The following ITGA2 variants were observed in gnomAD, a reference collection of about 807,000 sequenced individuals.
The protein encoded by ITGA2 is integrin subunit alpha 2.
Under a neutral mutation model 146.3 loss-of-function variants are expected in ITGA2, and 101 were observed. That is an observed-to-expected ratio of 0.69 (90% confidence interval 0.59 to 0.81). The LOEUF is 0.81. Ranked by LOEUF, ITGA2 falls within the 40% of genes least tolerant of loss-of-function variation. The pLI is 0.00. For synonymous variants in ITGA2, 477 were observed against 487.1 expected (o/e 0.98, Z 0.27); for missense variants, 1,281 against 1,402.7 (o/e 0.91, Z 1.39).
At chr5:53,062,542 AG>A (rs1744946782) in intron 12 of ITGA2, among the ~76,000 whole-genome samples, 1 of 151,862 alleles carries the variant, frequency 6.6e-6, no homozygotes, top group Non-Finnish European at 1.5e-5. Context: ...AATGGGTCTC[AG>A]GGATCTGTAT....
chr5:53,063,272 C>T (rs956380668), intron 13 of ITGA2, among the ~76,000 whole-genome samples: 1 of 151,746 alleles, frequency 6.6e-6, no homozygotes, highest in Non-Finnish European at 1.5e-5. Flanking sequence ...TAATTTTTTG[C>T]GATAAAGACA....
intron 24 of ITGA2, among the ~76,000 whole-genome samples, chr5:53,079,766 T>C (rs1214096596): frequency 5.9e-5 from 9 of 152,162 alleles, no homozygotes; most frequent in Non-Finnish European, 1.2e-4. Context: ...GGTAATAACA[T>C]TCATAGAGTG....
intron 12 of ITGA2, among the ~76,000 whole-genome samples, chr5:53,062,081 A>G (rs1454187678): frequency 2.0e-5 from 3 of 151,792 alleles, no homozygotes; most frequent in Non-Finnish European, 4.4e-5. Flanking sequence ...TGAAGGTTCA[A>G]AGTCTCAGCT....
chr5:53,078,603 A>G (rs1467728992), intron 23 of ITGA2, among the ~76,000 whole-genome samples, 169 bp from the exon 24 acceptor site: 1 of 152,190 alleles, frequency 6.6e-6, no homozygotes, highest in Non-Finnish European at 1.5e-5. Flanking sequence ...TTAGAAACAT[A>G]CATTGGACGA....
intron 1 of ITGA2, 119 bp downstream of exon 1, chr5:52,989,651 G>A: frequency 5.4e-6 from 6 of 1,105,994 alleles, no homozygotes; most frequent in Non-Finnish European, 8.2e-6. Flanking sequence ...CGGATTCCAC[G>A]TGGACTCGGG....
intron 7 of ITGA2, among the ~76,000 whole-genome samples, chr5:53,054,785 G>A (rs994549310): frequency 2.0e-5 from 3 of 152,008 alleles, no homozygotes; most frequent in Non-Finnish European, 4.4e-5. Flanking sequence ...ACTCAGGGGG[G>A]AAATGGTGGG....
chr5:53,027,051 T>A lies in ITGA2; in HGVS notation c.185+183T>A, dbSNP rs184184459. ...CAGACTGATCATTAATGGGATGGTA[T>A]AATGGTTCATTTTTAAAAACCTGGA... On this transcript the variant is annotated intron_variant, in intron 2 of 29. Transcript: ENST00000296585. 5.3e-5 allele frequency among the ~76,000 whole-genome samples: 8 copies of A among 152,348 alleles called. No homozygotes were observed. In the East Asian group the frequency reaches 1.2e-3, roughly 22 times the overall value.
chr5:53,007,480 T>C (rs1561085606), intron 1 of ITGA2, among the ~76,000 whole-genome samples: 1 of 151,328 alleles, frequency 6.6e-6, no homozygotes, highest in African/African-American at 2.4e-5. Context: ...ACACAAAATA[T>C]GCTATTTTGA....
In ITGA2 at chr5:53,039,739, CAA is replaced by C. The variant is rs1175067104; in HGVS notation, c.186-2349_186-2348del. ...TAGGCAACAGAGTGAGACTCCATCT[CAA>C]AAAAAAAAAAAAAAAAAAAAAAAGT... On this transcript the variant is annotated intron_variant, in intron 2 of 29. Coordinates refer to ENST00000296585, the MANE Select transcript of ITGA2 (RefSeq NM_002203.4). Among the ~76,000 whole-genome samples, 70 of 33,262 alleles carry C rather than the reference CAA, an allele frequency of 2.1e-3. No individual in the cohort carries two copies. In the South Asian group the frequency reaches 0.063, roughly 30 times the overall value. The allele number at this position is 33,262 out of a possible 152,430, so 21.8% of individuals were successfully genotyped here.
intron 7 of ITGA2, among the ~76,000 whole-genome samples, chr5:53,052,091 T>C (rs570361918): frequency 1.8e-4 from 27 of 152,284 alleles, no homozygotes; most frequent in African/African-American, 6.0e-4. Context: ...CTCTATTTTT[T>C]ATTTTATTTT....
chr5:53,050,825 G>A (rs1168806794), intron 6 of ITGA2, among the ~76,000 whole-genome samples: 1 of 152,154 alleles, frequency 6.6e-6, no homozygotes, highest in Non-Finnish European at 1.5e-5. Context: ...GAAACTCCCT[G>A]CCCCATATGC....
At position 52,989,443 on chromosome 5, in the gene ITGA2, ACTACGGTCC is replaced by A; in HGVS notation, c.-24_-16del. On this transcript the variant is annotated 5_prime_UTR_variant, in exon 1 of 30. Transcript: ENST00000296585. Reference sequence around the variant, plus strand: ...TGCAAACCTCTGCAAACCCAGCGCAACTACGGTCCCCCGGTCAGACCCAGGATGGGGCCA... The same window carrying A: ...TGCAAACCTCTGCAAACCCAGCGCAACCCGGTCAGACCCAGGATGGGGCCA... The A allele has an allele frequency of 1.9e-6, 3 of 1,613,702 alleles. No individual in the cohort carries two copies. The highest frequency in any genetic ancestry group is 2.5e-6 in the Non-Finnish European group (3 of 1,179,566).
At chr5:53,011,482 C>T (rs1742123793) in intron 1 of ITGA2, among the ~76,000 whole-genome samples, 1 of 152,096 alleles carries the variant, frequency 6.6e-6, no homozygotes, top group Non-Finnish European at 1.5e-5. Flanking sequence ...CCTTTCTTTC[C>T]CTCTTGTCAT....
intron 14 of ITGA2, 69 bp downstream of exon 14, chr5:53,065,184 A>G (rs1056205705): frequency 4.2e-6 from 6 of 1,431,414 alleles, no homozygotes; most frequent in South Asian, 1.1e-5. Flanking sequence ...AGAAAGCGTC[A>G]TGTAAACCAT....
intron 13 of ITGA2, among the ~76,000 whole-genome samples, chr5:53,063,581 A>T (rs1745001666): frequency 6.6e-6 from 1 of 152,080 alleles, no homozygotes; most frequent in African/African-American, 2.4e-5. Context: ...AAACCAAATT[A>T]AAGGCACAGA....
intron 1 of ITGA2, among the ~76,000 whole-genome samples, chr5:52,992,051 A>C (rs1740985798): frequency 6.6e-6 from 1 of 152,158 alleles, no homozygotes; most frequent in Non-Finnish European, 1.5e-5. Flanking sequence ...ACCCTGCCCC[A>C]GCACTCATCC....
chr5:53,056,099 C>A lies in ITGA2; in HGVS notation c.1046C>A (p.Ala349Asp). Residue 349 changes from alanine (A) to aspartate (D), a missense_variant, in exon 9 of 30, where the codon GCT (alanine) becomes GAT (aspartate). Coordinates refer to ENST00000296585, the MANE Select transcript of ITGA2 (RefSeq NM_002203.4). Reference protein sequence around the residue: ...RYFFNVSDEAALLEKAGTLGE... With the variant: ...RYFFNVSDEADLLEKAGTLGE... The stretch of plus-strand genomic sequence containing the variant: ...TTTTTCAATGTGTCTGATGAAGCAG[C>A]TCTACTAGAAAAGGCTGGGACATTA... The A allele has an allele frequency of 1.9e-6, 3 of 1,612,076 alleles. No individual in the cohort carries two copies. The highest frequency in any genetic ancestry group is 2.5e-6 in the Non-Finnish European group (3 of 1,178,852).
chr5:53,061,150 C>A, intron 12 of ITGA2, 104 bp downstream of exon 12: 1 of 1,047,740 alleles, frequency 9.5e-7, no homozygotes, highest in South Asian at 1.3e-5. Flanking sequence ...AGTGCCTACT[C>A]TGTGATTGGC....
At position 53,060,024 on chromosome 5, in the gene ITGA2, T is replaced by C. The variant is rs2303127; in HGVS notation, c.1312+12T>C. 0.39 allele frequency: 634,007 copies of C among 1,610,664 alleles called. 126,369 individuals carry two copies. The highest frequency in any genetic ancestry group is 0.45 in the Admixed American group (26,726 of 59,758). On this transcript the variant is annotated intron_variant, in intron 11 of 29. Transcript: ENST00000296585. Reference sequence around the variant, plus strand: ...CAGTTCATATTTAGGTAAGGCATGGTAATAATTGGCTCAGCAAACTTAAGT... The same window carrying C: ...CAGTTCATATTTAGGTAAGGCATGGCAATAATTGGCTCAGCAAACTTAAGT...
Sources: allele counts gnomAD v4.1 joint callset (sites outside exome capture counted in the v4.1 genomes callset), GRCh38; gene constraint gnomAD v4.1.1; transcripts MANE v1.5; gene names NCBI Gene and HGNC (gene_info 2026-07-23, HGNC 2026-07-21).